FAF1: variants seen among roughly 807,000 people sequenced by gnomAD.
The protein encoded by FAF1 is FAS-associated factor 1.
A neutral mutation model predicts 92.5 loss-of-function variants in FAF1; 25 were observed. The ratio of observed to expected loss-of-function variants is 0.27; its 90% CI spans 0.20 to 0.38. The LOEUF is 0.38. Ranked by LOEUF, FAF1 falls within the 10% of genes least tolerant of loss-of-function variation. The probability of loss-of-function intolerance (pLI) is 1.00; values close to 1 mark genes in which losing one functional copy is unlikely to be tolerated. For missense variants in FAF1, 636 were observed against 793.3 expected (o/e 0.80, Z 2.38); for synonymous variants, 234 against 273.2 (o/e 0.86, Z 1.42).
intron 1 of FAF1, among the ~76,000 whole-genome samples, chr1:50,876,514 C>T (rs560824222): frequency 2.0e-5 from 3 of 152,268 alleles, no homozygotes; most frequent in South Asian, 4.1e-4. Flanking sequence ...GATGGGGATA[C>T]GACAAACGAA....
At position 50,939,894 on chromosome 1, in the gene FAF1, T is replaced by C. The variant is rs531116200; in HGVS notation, c.45+19873A>G. On this transcript the variant is annotated intron_variant, in intron 1 of 18. Coordinates refer to ENST00000396153, the MANE Select transcript of FAF1 (RefSeq NM_007051.3). The stretch of plus-strand genomic sequence containing the variant: ...ACCCATAAGTATTACAGTATGTCAA[T>C]AAAAGTACTTTTTTATTTTCTTGTT... 2.0e-5 allele frequency among the ~76,000 whole-genome samples: 3 copies of C among 152,310 alleles called. No homozygotes were observed. In the East Asian group the frequency reaches 5.8e-4, roughly 29 times the overall value.
intron 1 of FAF1, among the ~76,000 whole-genome samples, chr1:50,872,217 A>G (rs1034133709): frequency 3.9e-5 from 6 of 152,214 alleles, no homozygotes; most frequent in African/African-American, 1.4e-4. Context: ...ATTCATGGGA[A>G]GAGGTCAAAA....
chr1:50,639,927 C>T (rs1338600322), intron 8 of FAF1, among the ~76,000 whole-genome samples: 1 of 109,866 alleles, frequency 9.1e-6, no homozygotes, highest in Non-Finnish European at 1.7e-5. Flanking sequence ...GAGCAAGACT[C>T]GATCTCAAAA....
intron 1 of FAF1, among the ~76,000 whole-genome samples, chr1:50,879,690 G>T (rs2124687547): frequency 6.6e-6 from 1 of 152,234 alleles, no homozygotes; most frequent in East Asian, 1.9e-4. Flanking sequence ...TCAAAGTGTT[G>T]TTCCTAGACC....
At chr1:50,787,124 CAACATAGTTA>C (rs752684011) in intron 4 of FAF1, among the ~76,000 whole-genome samples, 16 of 152,150 alleles carry the variant, frequency 1.1e-4, no homozygotes, top group Non-Finnish European at 2.1e-4. Context: ...AATGTAAGTT[CAACATAGTTA>C]AACTATAGTA....
intron 18 of FAF1, among the ~76,000 whole-genome samples, chr1:50,446,732 T>A (rs539683780): frequency 3.2e-4 from 49 of 152,350 alleles, no homozygotes; most frequent in African/African-American, 1.2e-3. Flanking sequence ...ATTTTGAAAT[T>A]GAATAAAAGA....
intron 7 of FAF1, among the ~76,000 whole-genome samples, chr1:50,682,039 T>C (rs1018190572): frequency 4.0e-5 from 6 of 151,730 alleles, no homozygotes; most frequent in African/African-American, 1.5e-4. Context: ...CTCACTATGT[T>C]GCTAAGGCTG....
Position 50,830,720 on chromosome 1 carries a change from C to T in FAF1, c.114+27209G>A, listed in dbSNP as rs1644145379. On this transcript the variant is annotated intron_variant, in intron 2 of 18. Coordinates refer to ENST00000396153, the MANE Select transcript of FAF1 (RefSeq NM_007051.3). ...ATCTCATTTTAAAATAAAAAATAAA[C>T]ACATTTAAAACTTTACTGAAGAACA... Among the ~76,000 whole-genome samples the T allele has an allele frequency of 2.0e-5, 3 of 146,538 alleles. No homozygotes were observed. The South Asian group carries it at 6.5e-4, about 32-fold the overall frequency.
At chr1:50,653,541 G>C (rs1281052587) in intron 8 of FAF1, among the ~76,000 whole-genome samples, 1 of 152,026 alleles carries the variant, frequency 6.6e-6, no homozygotes, top group Non-Finnish European at 1.5e-5. Flanking sequence ...GTAGAGACAG[G>C]GTTTCACCAT....
chr1:50,862,764 T>C (rs975192761), intron 1 of FAF1, among the ~76,000 whole-genome samples: 2 of 151,568 alleles, frequency 1.3e-5, no homozygotes, highest in African/African-American at 4.8e-5. Context: ...AAAAACAAAC[T>C]TTAAAGCAAC....
At chr1:50,751,470 T>TTGA (rs1659865617) in intron 4 of FAF1, among the ~76,000 whole-genome samples, 1 of 151,776 alleles carries the variant, frequency 6.6e-6, no homozygotes, top group African/African-American at 2.4e-5. Flanking sequence ...CAGCCTCCCA[T>TTGA]GTAGCTGGGA....
chr1:50,547,804 A>G (rs1052127251), intron 13 of FAF1, among the ~76,000 whole-genome samples: 3 of 152,230 alleles, frequency 2.0e-5, no homozygotes, highest in African/African-American at 7.2e-5. Flanking sequence ...GTTTAATAAC[A>G]AGGGTATAGC....
At chr1:50,710,121 T>C (rs1657858274) in intron 6 of FAF1, among the ~76,000 whole-genome samples, 1 of 152,184 alleles carries the variant, frequency 6.6e-6, no homozygotes, top group African/African-American at 2.4e-5. Flanking sequence ...CCAGAAGTCT[T>C]GATTGTTATA....
chr1:50,512,988 A>G (rs1647156637), intron 15 of FAF1, among the ~76,000 whole-genome samples: 1 of 152,178 alleles, frequency 6.6e-6, no homozygotes, highest in South Asian at 2.1e-4. Context: ...AAGTGGGGAC[A>G]GATAGAGGAG....
intron 8 of FAF1, among the ~76,000 whole-genome samples, chr1:50,638,245 T>G (rs1001048647): frequency 2.0e-5 from 3 of 152,070 alleles, no homozygotes; most frequent in Non-Finnish European, 2.9e-5. Flanking sequence ...CTACTAAATA[T>G]TTTGTAAAAC....
At position 50,959,831 on chromosome 1, in the gene FAF1, G is replaced by A. The variant is rs1247769909; in HGVS notation, c.-20C>T. The A allele has an allele frequency of 5.8e-6, 9 of 1,543,496 alleles. No individual in the cohort carries two copies. The Admixed American group carries it at 1.1e-4, about 19-fold the overall frequency. ...CGCCATGGCGGCCGCCGAGTTCCGC[G>A]GCTCCGGGAGCGAAGCGCGCACCTG... is the stretch of plus-strand genomic sequence containing the variant. On this transcript the variant is annotated 5_prime_UTR_variant, in exon 1 of 19. Coordinates refer to ENST00000396153, the MANE Select transcript of FAF1 (RefSeq NM_007051.3).
chr1:50,902,466 T>C (rs1420206113), intron 1 of FAF1, among the ~76,000 whole-genome samples: 2 of 152,250 alleles, frequency 1.3e-5, no homozygotes, highest in Admixed American at 1.3e-4. Context: ...TTAATTCATC[T>C]ATTCTTACTT....
At chr1:50,534,563 T>A (rs1438495544) in intron 15 of FAF1, among the ~76,000 whole-genome samples, 1 of 152,146 alleles carries the variant, frequency 6.6e-6, no homozygotes, top group Non-Finnish European at 1.5e-5. Context: ...TGTGAGCCCC[T>A]GTGCCCAGCC....
At chr1:50,616,893 C>T (rs1270266812) in intron 8 of FAF1, among the ~76,000 whole-genome samples, 1 of 152,160 alleles carries the variant, frequency 6.6e-6, no homozygotes, top group East Asian at 1.9e-4. Flanking sequence ...GTTGGCCAGG[C>T]TGGTCTCAAA....
Sources: gnomAD v4.1 joint callset for allele counts (sites outside exome capture counted in the v4.1 genomes callset) on GRCh38, gnomAD v4.1.1 for gene constraint, MANE v1.5 for transcripts, NCBI Gene and HGNC (gene_info 2026-07-23, HGNC 2026-07-21) for gene names.